Variants in DNM3 observed in about 807,000 individuals in gnomAD.
DNM3 encodes the protein dynamin 3, also known as dynamin-3.
In DNM3, 47 loss-of-function variants were observed where a neutral mutation model predicts 101.6. The observed-to-expected ratio is 0.46, with a 90% CI of 0.37 to 0.59. The LOEUF (loss-of-function observed/expected upper bound fraction) is 0.59. Ranked by LOEUF, DNM3 falls within the 20% of genes least tolerant of loss-of-function variation. The pLI, the probability that DNM3 is intolerant of heterozygous loss-of-function variation, is 0.00. For missense variants in DNM3, 849 were observed against 1,085.7 expected (o/e 0.78, Z 3.06); for synonymous variants, 385 against 387.9 (o/e 0.99, Z 0.09).
At chr1:172,393,137 A>G (rs1321298386) in intron 20 of DNM3, 1 of 152,236 alleles carries the variant, frequency 6.6e-6, no homozygotes, top group Non-Finnish European at 1.5e-5. Context: ...CAAATCGACC[A>G]TGCCAAAAGA....
In DNM3 at chr1:172,119,496, C is replaced by T. The variant is rs140936870; in HGVS notation, c.1546-11679C>T. ...CTCTGTTCTCTCTCTCTTCTAGCCC[C>T]GCCTCGGTTTCCTTCATGGGTCCAT... On this transcript the variant is annotated intron_variant, in intron 13 of 20. Transcript: ENST00000627582. Among the ~76,000 whole-genome samples, 752 of 152,098 alleles carry T rather than the reference C, an allele frequency of 4.9e-3. 4 individuals are homozygous for T. The highest frequency in any genetic ancestry group is 6.0e-3 in the South Asian group (29 of 4,810).
At chr1:172,354,110 T>A (rs112617542) in intron 17 of DNM3, among the ~76,000 whole-genome samples, 5,433 of 52,170 alleles carry the variant, frequency 0.1, 131 homozygotes, top group Admixed American at 0.13. Context: ...TGTGTGTGTG[T>A]GTGAGAGAGA....
At chr1:171,995,628 A>G (rs987678602) in intron 4 of DNM3, among the ~76,000 whole-genome samples, 2 of 152,088 alleles carry the variant, frequency 1.3e-5, no homozygotes, top group African/African-American at 4.8e-5. Context: ...AACTTTTCAT[A>G]TAACAGTCAT....
chr1:172,139,039 C>A, intron 14 of DNM3: 1 of 377,702 alleles, frequency 2.6e-6, no homozygotes, highest in Non-Finnish European at 5.3e-6. Flanking sequence ...CATTATGGAA[C>A]TAAAAACAAG....
At chr1:171,853,515 T>A (rs1386984298) in intron 1 of DNM3, among the ~76,000 whole-genome samples, 3 of 152,256 alleles carry the variant, frequency 2.0e-5, no homozygotes, top group Admixed American at 6.5e-5. Context: ...TCTGCTTTTC[T>A]AATTGACCCA....
At chr1:172,130,979 G>A (rs976238550) in intron 13 of DNM3, among the ~76,000 whole-genome samples, 196 bp from the exon 14 acceptor site, 1 of 152,138 alleles carries the variant, frequency 6.6e-6, no homozygotes, top group African/African-American at 2.4e-5. Flanking sequence ...TTCATTGACA[G>A]GAGAGACTTC....
Position 172,408,421 on chromosome 1 carries a change from A to C in DNM3, c.*580A>C. On this transcript the variant is annotated 3_prime_UTR_variant, in exon 21 of 21. Transcript: ENST00000627582. ...TTTCCAGAAGCACGAGGTAGTTTGCAAAGGAAAAGTCTGCACTGTTTGCTC... is the reference window on the plus strand; with the variant it reads ...TTTCCAGAAGCACGAGGTAGTTTGCCAAGGAAAAGTCTGCACTGTTTGCTC... 1.0e-6 allele frequency: 1 copy of C among 985,938 alleles called. No individual in the cohort carries two copies. The highest frequency in any genetic ancestry group is 1.2e-6 in the Non-Finnish European group (1 of 830,300). The allele number at this position is 985,938 out of a possible 1,614,324, so 61.1% of individuals were successfully genotyped here.
intron 6 of DNM3, among the ~76,000 whole-genome samples, chr1:172,036,162 C>A (rs1402670524): frequency 8.6e-6 from 1 of 116,380 alleles, no homozygotes; most frequent in African/African-American, 3.3e-5. Flanking sequence ...CCCCTCCCCC[C>A]ACCCCACAAC....
chr1:172,418,021 T>C (rs2071492481), intron 20 of DNM3, among the ~76,000 whole-genome samples: 1 of 152,218 alleles, frequency 6.6e-6, no homozygotes, highest in African/African-American at 2.4e-5. Context: ...AGAAGCTTTT[T>C]GAGTGAGCTC....
chr1:171,903,031 A>G (rs1362981847), intron 1 of DNM3, among the ~76,000 whole-genome samples: 1 of 151,984 alleles, frequency 6.6e-6, no homozygotes, highest in East Asian at 1.9e-4. Flanking sequence ...TGGACTGCCA[A>G]ATAGTCCCAG....
chr1:172,138,136 CA>C (rs764145960), intron 14 of DNM3: 5 of 151,886 alleles, frequency 3.3e-5, no homozygotes, highest in Non-Finnish European at 5.9e-5. Flanking sequence ...GTGGAAGTAT[CA>C]AAAATTTCAA....
At chr1:171,920,763 G>A (rs1571617609) in intron 1 of DNM3, among the ~76,000 whole-genome samples, 1 of 152,270 alleles carries the variant, frequency 6.6e-6, no homozygotes, top group African/African-American at 2.4e-5. Context: ...TATTAGCTTA[G>A]TGTTTATTAA....
At chr1:172,248,332 A>T (rs907359259) in intron 14 of DNM3, among the ~76,000 whole-genome samples, 25 of 152,132 alleles carry the variant, frequency 1.6e-4, no homozygotes, top group African/African-American at 5.1e-4. Context: ...GGTTTTATTT[A>T]TTATGGATCA....
chr1:172,314,005 G>T (rs1202675273), intron 16 of DNM3, among the ~76,000 whole-genome samples: 1 of 139,856 alleles, frequency 7.2e-6, no homozygotes, highest in Non-Finnish European at 1.5e-5. Context: ...TTACACTGTT[G>T]GTGGGAGTGT....
At chr1:172,160,621 C>A (rs2058513299) in intron 14 of DNM3, among the ~76,000 whole-genome samples, 1 of 151,866 alleles carries the variant, frequency 6.6e-6, no homozygotes, top group Non-Finnish European at 1.5e-5. Context: ...ATACCTTCCT[C>A]TGGAATGCCT....
At chr1:172,353,362 TAATG>T (rs1267559386) in intron 17 of DNM3, among the ~76,000 whole-genome samples, 1 of 152,164 alleles carries the variant, frequency 6.6e-6, no homozygotes, top group Non-Finnish European at 1.5e-5. Flanking sequence ...GTCTCACTAA[TAATG>T]AAATTAAGAT....
Position 172,093,674 on chromosome 1 carries a change from A to T in DNM3, c.1545+799A>T, listed in dbSNP as rs777771472. Reference sequence around the variant, plus strand: ...AAAAACTTTTTTTCTGAACTAAAGCATATAATTCTTTGCTATTTCAGGGAA... The same window carrying T: ...AAAAACTTTTTTTCTGAACTAAAGCTTATAATTCTTTGCTATTTCAGGGAA... On this transcript the variant is annotated intron_variant, in intron 13 of 20. Transcript: ENST00000627582. 7.5e-6 allele frequency: 12 copies of T among 1,603,658 alleles called. 1 individual carries two copies. The East Asian group carries it at 2.5e-4, about 33-fold the overall frequency.
chr1:172,351,829 A>G (rs10911627), intron 17 of DNM3, among the ~76,000 whole-genome samples: 11,597 of 152,252 alleles, frequency 0.076, 505 homozygotes, highest in South Asian at 0.15. Flanking sequence ...TACATTCTTC[A>G]TAGAATGGCA....
chr1:172,199,460 TTTG>T (rs2060072793), intron 14 of DNM3, among the ~76,000 whole-genome samples: 4 of 152,102 alleles, frequency 2.6e-5, no homozygotes, highest in Non-Finnish European at 5.9e-5. Flanking sequence ...TCTGAATATC[TTTG>T]TTAATTTTCT....
Sources: gnomAD v4.1 joint callset for allele counts (sites outside exome capture counted in the v4.1 genomes callset) on GRCh38, gnomAD v4.1.1 for gene constraint, MANE v1.5 for transcripts, NCBI Gene and HGNC (gene_info 2026-07-23, HGNC 2026-07-21) for gene names.